Variants in SLC52A3 observed in about 807,000 individuals in gnomAD.
SLC52A3 encodes solute carrier family 52 member 3.
A neutral mutation model predicts 29.5 loss-of-function variants in SLC52A3; 20 were observed. That is an observed-to-expected ratio of 0.68 (90% confidence interval 0.48 to 0.99). The LOEUF (loss-of-function observed/expected upper bound fraction) is 0.99, where lower values mean the gene tolerates loss of function less well. Among genes scored for constraint, SLC52A3 ranks in the 50% least tolerant of loss-of-function variants. The probability of loss-of-function intolerance (pLI) is 0.00; values close to 1 mark genes in which losing one functional copy is unlikely to be tolerated. For synonymous variants in SLC52A3, 301 were observed against 271.0 expected, an observed-to-expected ratio of 1.11 and a Z score of -1.09; for missense variants, 548 against 612.9, an observed-to-expected ratio of 0.89 and a Z score of 1.12.
chr20:760,870 C>T lies in SLC52A3; in HGVS notation c.*156G>A. On this transcript the variant is annotated 3_prime_UTR_variant, in exon 5 of 5. Coordinates refer to ENST00000645534, the MANE Select transcript of SLC52A3 (RefSeq NM_033409.4). The surrounding 1 kb of genome is among the most constrained non-coding windows in gnomAD (Gnocchi z 4.9). ...GGGGATAGAGCCGCACCTTGCATTT[C>T]CAGGTGCCATCTTCCCCACAGTCCC... 1 of 721,626 alleles carries T rather than the reference C, an allele frequency of 1.4e-6. No individual in the cohort carries two copies. Among genetic ancestry groups the T allele is most frequent in the East Asian group, 2.7e-5 (1 of 36,808 alleles). The allele number at this position is 721,626 out of a possible 1,614,324, so 44.7% of individuals were successfully genotyped here. A position where few individuals can be genotyped will look rare whatever the true frequency, so the allele number is the denominator to read the frequency against.
intron 4 of SLC52A3, 152 bp downstream of exon 4, chr20:761,549 C>G (rs1005904837): frequency 9.8e-5 from 118 of 1,200,900 alleles, no homozygotes; most frequent in Non-Finnish European, 1.3e-4. Context: ...CCTCCACTCC[C>G]AAATGAGGAA....
In SLC52A3 at chr20:765,771, C is replaced by A. The variant is rs1482676645; in HGVS notation, c.4G>T (p.Ala2Ser). ...CAGACCAGCAGGTGCATCAGGAAGG[C>A]CATGGCGGTATCTGCCCTGGGCCAG... M[A>S]FLMHLLVCVF... Residue 2 changes from alanine (A) to serine (S), a missense_variant, in exon 2 of 5, where the codon GCC (alanine) becomes TCC (serine). Transcript: ENST00000645534. This position sits in a 1 kb window ranked among gnomAD's most constrained non-coding sequence, Gnocchi z 6.6. 2 of 1,598,462 alleles carry A rather than the reference C, an allele frequency of 1.3e-6. No homozygotes were observed. Among genetic ancestry groups the A allele is most frequent in the African/African-American group, 1.4e-5 (1 of 69,166 alleles).
upstream of SLC52A3, among the ~76,000 whole-genome samples, chr20:776,204 G>T (rs1987022457): frequency 6.6e-6 from 1 of 152,192 alleles, no homozygotes; most frequent in African/African-American, 2.4e-5. Context: ...TTTCATGAGG[G>T]TTGATCCCCA....
rs780025944 is a variant in SLC52A3, at chr20:761,160, G to A, written c.1276C>T (p.Arg426Cys). The A allele has an allele frequency of 8.9e-6, 14 of 1,580,722 alleles. No individual in the cohort carries two copies. Among genetic ancestry groups the A allele is most frequent in the Non-Finnish European group, 1.1e-5 (13 of 1,165,028 alleles). ...MLGVVLRDLS[R>C]SALLWCGAAV... Reference sequence around the variant, plus strand: ...GCCCCGCACCACAAGAGGGCGCTGCGGCTGAGGTCGCGCAGGACCACGCCC... The same window carrying A: ...GCCCCGCACCACAAGAGGGCGCTGCAGCTGAGGTCGCGCAGGACCACGCCC... Residue 426 changes from arginine to cysteine, a missense_variant, in exon 5 of 5, where the codon CGC (arginine) becomes TGC (cysteine). By Grantham distance (180) the Arg-to-Cys change is radical. Coordinates refer to ENST00000645534, the MANE Select transcript of SLC52A3 (RefSeq NM_033409.4).
intron 3 of SLC52A3, among the ~76,000 whole-genome samples, chr20:762,921 T>C (rs969818977): frequency 1.3e-5 from 2 of 152,220 alleles, no homozygotes; most frequent in Non-Finnish European, 2.9e-5. Context: ...CTCAGAACCG[T>C]CTGGTTTCCT....
At position 763,917 on chromosome 20, in the gene SLC52A3, G is replaced by A; in HGVS notation, c.654C>T (p.Phe218=). The A allele has an allele frequency of 6.2e-7, 1 of 1,614,096 alleles. No individual in the cohort carries two copies. The highest frequency in any genetic ancestry group is 8.5e-7 in the Non-Finnish European group (1 of 1,179,958). Residue 218 remains phenylalanine, a synonymous_variant, in exon 3 of 5, where the codon TTC becomes TTT. Transcript: ENST00000645534. ...GGAGGAGGAAGAAGACCAGGGGTGA[G>A]AAGTGGGCGGGAAGGTAGCGGCTCT... ...HLESRYLPAH[F]SPLVFFLLLS...
At chr20:762,560 C>T (rs1473688390) in intron 3 of SLC52A3, among the ~76,000 whole-genome samples, 1 of 152,224 alleles carries the variant, frequency 6.6e-6, no homozygotes, top group Non-Finnish European at 1.5e-5. Flanking sequence ...AGAGGTCTGC[C>T]TATACCCTTA....
chr20:769,269 C>G (rs1363167337), upstream of SLC52A3, among the ~76,000 whole-genome samples: 1 of 152,202 alleles, frequency 6.6e-6, no homozygotes, highest in African/African-American at 2.4e-5. Context: ...TCTGGCTTCT[C>G]AGGAATATTT....
rs1884536509 is a variant in SLC52A3 at position 761,757 on chromosome 20, C to G, written c.1141G>C (p.Ala381Pro). The G allele has an allele frequency of 6.2e-7, 1 of 1,614,062 alleles. No homozygotes were observed. Among genetic ancestry groups the G allele is most frequent in the Non-Finnish European group, 8.5e-7 (1 of 1,180,020 alleles). ...TCFGGYNMAMAVMSPCPLLQG... is the reference protein window; with the variant it reads ...TCFGGYNMAMPVMSPCPLLQG... ...AAGAGGGGGCAGGGGCTCATCACCG[C>G]CATGGCCATGTTGTAGCCCCCAAAG... Residue 381 changes from alanine (A) to proline (P), a missense_variant, in exon 4 of 5, where the codon GCG becomes CCG. Physicochemically the swap from Ala to Pro is conservative, Grantham distance 27. Coordinates refer to ENST00000645534, the MANE Select transcript of SLC52A3 (RefSeq NM_033409.4).
Position 763,690 on chromosome 20 carries a change from G to A in SLC52A3, c.881C>T (p.Pro294Leu), listed in dbSNP as rs1986568205. Residue 294 changes from proline to leucine, a missense_variant, in exon 3 of 5, where the codon CCC becomes CTC. Coordinates refer to ENST00000645534, the MANE Select transcript of SLC52A3 (RefSeq NM_033409.4). ...GQGYLEEKAA[P>L]CCPAHLAFIY... is the part of the protein sequence containing the mutation. ...GAAGGCCAGGTGCGCCGGGCAGCAG[G>A]GGGCTGCTTTCTCCTCTAGATACCC... 1.9e-6 allele frequency: 3 copies of A among 1,614,144 alleles called. No homozygotes were observed. The highest frequency in any genetic ancestry group is 2.2e-5 in the East Asian group (1 of 44,886).
Position 761,872 on chromosome 20 carries a change from G to A in SLC52A3, c.1074-48C>T, listed in dbSNP as rs559239482. Reference sequence around the variant, plus strand: ...AGTGGAGGTGAGAAGCCTGACCTCTGACCCCCCCGCCCCACTGGGCGGCAT... The same window carrying A: ...AGTGGAGGTGAGAAGCCTGACCTCTAACCCCCCCGCCCCACTGGGCGGCAT... On this transcript the variant is annotated intron_variant, in intron 3 of 4. Coordinates refer to ENST00000645534, the MANE Select transcript of SLC52A3 (RefSeq NM_033409.4). 80 of 1,613,126 alleles carry A rather than the reference G, an allele frequency of 5.0e-5. 2 individuals carry two copies. The South Asian group carries it at 8.6e-4, about 17-fold the overall frequency.
At chr20:770,674 T>C (rs1027108335), upstream of SLC52A3, among the ~76,000 whole-genome samples, 4 of 152,190 alleles carry the variant, frequency 2.6e-5, no homozygotes, top group African/African-American at 9.6e-5. The surrounding 1 kb of genome is among the most constrained non-coding windows in gnomAD (Gnocchi z 4.5). Context: ...GTTTTGTAAA[T>C]GGAAATACCA....
In SLC52A3 at chr20:763,980, G is replaced by A. The variant is rs765556707; in HGVS notation, c.591C>T (p.Ser197=). ...IAQGVPRALV[S]ALPGMEAPLS... Reference sequence around the variant, plus strand: ...AGGGTGCTTCCATTCCGGGGAGGGCGGACACCAAAGCTCTGGGAACTCCCT... The same window carrying A: ...AGGGTGCTTCCATTCCGGGGAGGGCAGACACCAAAGCTCTGGGAACTCCCT... The change falls in exon 3 of 5, where the codon TCC becomes TCT. Residue 197 remains serine (S), a synonymous_variant. Coordinates refer to ENST00000645534, the MANE Select transcript of SLC52A3 (RefSeq NM_033409.4). The A allele has an allele frequency of 5.7e-6, 9 of 1,589,208 alleles. No homozygotes were observed. The highest frequency in any genetic ancestry group is 1.1e-5 in the South Asian group (1 of 88,264).
intron 1 of SLC52A3, among the ~76,000 whole-genome samples, chr20:773,570 G>A (rs1332023754): frequency 6.6e-6 from 1 of 152,052 alleles, no homozygotes; most frequent in African/African-American, 2.4e-5. Flanking sequence ...CAAGACTTGG[G>A]CCAGAGAAAG....
upstream of SLC52A3, among the ~76,000 whole-genome samples, chr20:770,934 C>T (rs60888552): frequency 0.016 from 2,416 of 152,186 alleles, 64 homozygotes; most frequent in African/African-American, 0.055. The surrounding 1 kb of genome is among the most constrained non-coding windows in gnomAD (Gnocchi z 4.5). Flanking sequence ...ACTCCAGCAA[C>T]GATTTTGTGC....
At position 765,786 on chromosome 20, in the gene SLC52A3, C is replaced by T. The variant is rs1475883182; in HGVS notation, c.-12G>A. 4.6e-6 allele frequency: 4 copies of T among 873,112 alleles called. No homozygotes were observed. The highest frequency in any genetic ancestry group is 9.1e-5 in the East Asian group (2 of 21,886). The allele number at this position is 873,112 out of a possible 1,614,324, so 54.1% of individuals were successfully genotyped here. A position where few individuals can be genotyped will look rare whatever the true frequency, so the allele number is the denominator to read the frequency against. On this transcript the variant is annotated 5_prime_UTR_variant, in exon 2 of 5. Coordinates refer to ENST00000645534, the MANE Select transcript of SLC52A3 (RefSeq NM_033409.4). The surrounding 1 kb of genome is among the most constrained non-coding windows in gnomAD (Gnocchi z 6.6). Reference sequence around the variant, plus strand: ...ATCAGGAAGGCCATGGCGGTATCTGCCCTGGGCCAGAGGCTTTCTCAGATC... The same window carrying T: ...ATCAGGAAGGCCATGGCGGTATCTGTCCTGGGCCAGAGGCTTTCTCAGATC...
At chr20:761,653 G>C in intron 4 of SLC52A3, 48 bp downstream of exon 4, 1 of 1,610,112 alleles carries the variant, frequency 6.2e-7, no homozygotes, top group Admixed American at 1.7e-5. Context: ...GCCTTGGCTA[G>C]GGGTGAGGGG....
At chr20:771,464 C>T (rs932900865), upstream of SLC52A3, among the ~76,000 whole-genome samples, 1 of 151,998 alleles carries the variant, frequency 6.6e-6, no homozygotes, top group Non-Finnish European at 1.5e-5. Context: ...AAAACTACTC[C>T]ATACTAAGTG....
intron 1 of SLC52A3, among the ~76,000 whole-genome samples, chr20:775,601 G>T (rs752335304): frequency 6.6e-6 from 1 of 152,106 alleles, no homozygotes; most frequent in Non-Finnish European, 1.5e-5. Context: ...TTTTGGTCTG[G>T]AGGCACCAGG....
Sources: gnomAD v4.1 joint callset for allele counts (sites outside exome capture counted in the v4.1 genomes callset) on GRCh38, gnomAD v4.1.1 for gene constraint, Gnocchi (gnomAD v3.1) non-coding constraint, MANE v1.5 for transcripts, NCBI Gene and HGNC (gene_info 2026-07-23, HGNC 2026-07-21) for gene names.